Variants in ABCA3 observed in about 807,000 individuals in gnomAD.
ABCA3 encodes ATP binding cassette subfamily A member 3.
Under a neutral mutation model 172.8 loss-of-function variants are expected in ABCA3, and 88 were observed. The ratio of observed to expected loss-of-function variants is 0.51; its 90% confidence interval spans 0.43 to 0.61. ABCA3 has a LOEUF of 0.61. Among genes scored for constraint, ABCA3 ranks in the 20% least tolerant of loss-of-function variants. ABCA3 has a pLI of 0.00. For synonymous variants in ABCA3, 1,066 were observed against 983.8 expected, an observed-to-expected ratio of 1.08 and a Z score of -1.56; for missense variants, 2,164 against 2,301.0, an observed-to-expected ratio of 0.94 and a Z score of 1.22.
chr16:2,329,037 T>A (rs1026216747), intron 2 of ABCA3, among the ~76,000 whole-genome samples: 5 of 151,492 alleles, frequency 3.3e-5, no homozygotes, highest in African/African-American at 1.2e-4. Flanking sequence ...TATCTAATAA[T>A]ATTCAAAATT....
rs757955175 is a variant in ABCA3, at chr16:2,284,442, G to T, written c.3704-5C>A. ...AAAGTTCTTCCAGTTTTACAGCTGC[G>T]TTGGGGAGGTAAGATCAGTCTGCGC... On this transcript the variant is annotated splice_region_variant and splice_polypyrimidine_tract_variant and intron_variant, in intron 24 of 32. Coordinates refer to ENST00000301732, the MANE Select transcript of ABCA3 (RefSeq NM_001089.3). The surrounding 1 kb of genome is among the most constrained non-coding windows in gnomAD (Gnocchi z 5.9). 1.2e-6 allele frequency: 2 copies of T among 1,613,678 alleles called. No homozygotes were observed. The highest frequency in any genetic ancestry group is 1.7e-6 in the Non-Finnish European group (2 of 1,180,000).
At position 2,286,900 on chromosome 16, in the gene ABCA3, A is replaced by G. The variant is rs749943234; in HGVS notation, c.3072T>C (p.Leu1024=). ...VEGGGFNERC[L]VAASFRDVGE... is the part of the protein sequence containing the mutation. ...CCACATCTCTGAAGGACGCTGCCAC[A>G]AGGCACCGCTCATTAAAGCCGCCCC... The change falls in exon 22 of 33, where the codon CTT becomes CTC. Residue 1024 remains leucine, a synonymous_variant. Transcript: ENST00000301732. The surrounding 1 kb of genome is among the most constrained non-coding windows in gnomAD (Gnocchi z 5.2). 1 of 1,614,080 alleles carries G rather than the reference A, an allele frequency of 6.2e-7. No individual in the cohort carries two copies. Among genetic ancestry groups the G allele is most frequent in the South Asian group, 1.1e-5 (1 of 91,086 alleles).
Position 2,297,457 on chromosome 16 carries a change from C to A in ABCA3, c.2135G>T (p.Ser712Ile). 6.2e-7 allele frequency: 1 copy of A among 1,613,812 alleles called. No individual in the cohort carries two copies. Among genetic ancestry groups the A allele is most frequent in the Non-Finnish European group, 8.5e-7 (1 of 1,180,032 alleles). Residue 712 changes from serine (S) to isoleucine (I), a missense_variant, in exon 17 of 33, where the codon AGT (serine) becomes ATT (isoleucine). Physicochemically the swap from Ser to Ile is moderately radical, Grantham distance 142 (BLOSUM62 -2). This residue lies in a region of ABCA3 where 1,343 missense variants were observed against 1,369.6 expected (regional missense o/e 0.98). Coordinates refer to ENST00000301732, the MANE Select transcript of ABCA3 (RefSeq NM_001089.3). This position sits in a 1 kb window ranked among gnomAD's most constrained non-coding sequence, Gnocchi z 5.6. ...GGTGGTCAGCACGATGGTGCGGTCACTTTTCTGCCGCTGAAGAAGATCCCA... is the reference window on the plus strand; with the variant it reads ...GGTGGTCAGCACGATGGTGCGGTCAATTTTCTGCCGCTGAAGAAGATCCCA... Reference protein sequence around the residue: ...AIWDLLQRQKSDRTIVLTTHF... With the variant: ...AIWDLLQRQKIDRTIVLTTHF...
chr16:2,311,397 G>C (rs2093706475), intron 10 of ABCA3, among the ~76,000 whole-genome samples: 2 of 152,200 alleles, frequency 1.3e-5, no homozygotes, highest in Non-Finnish European at 2.9e-5. Context: ...ATTCTTCTTT[G>C]ATACTATACC....
intron 14 of ABCA3, 55 bp from the exon 15 acceptor site, chr16:2,298,595 C>A: frequency 1.2e-6 from 2 of 1,600,390 alleles, no homozygotes; most frequent in South Asian, 1.1e-5. Context: ...TCGTCAGCAC[C>A]CGCGGTAATG....
chr16:2,288,733 T>G (rs960685532), intron 20 of ABCA3, among the ~76,000 whole-genome samples: 13 of 152,068 alleles, frequency 8.5e-5, no homozygotes, highest in African/African-American at 1.4e-4. Context: ...TTAGTAGAGA[T>G]AGGGTTTTGT....
rs143907370 is a variant in ABCA3 at position 2,333,377 on chromosome 16, G to A, written c.-538-3523C>T. 4.9e-3 allele frequency among the ~76,000 whole-genome samples: 752 copies of A among 152,320 alleles called. 8 individuals carry two copies. Among genetic ancestry groups the A allele is most frequent in the African/African-American group, 0.017 (724 of 41,574 alleles). On this transcript the variant is annotated intron_variant, in intron 1 of 32. Transcript: ENST00000301732. Reference sequence around the variant, plus strand: ...TGAACCGCCCCAAGATGCACAAAGAGAGCCGCCAACCATGGCTCTGCTCGC... The same window carrying A: ...TGAACCGCCCCAAGATGCACAAAGAAAGCCGCCAACCATGGCTCTGCTCGC...
intron 12 of ABCA3, among the ~76,000 whole-genome samples, chr16:2,303,127 A>G (rs1328101496): frequency 6.6e-6 from 1 of 151,840 alleles, no homozygotes. Flanking sequence ...AAACTATGCT[A>G]TATGTCCATC....
rs140990075 is a variant in ABCA3 at position 2,318,342 on chromosome 16, C to T, written c.874-578G>A. Among the ~76,000 whole-genome samples, 719 of 152,248 alleles carry T rather than the reference C, an allele frequency of 4.7e-3. 6 individuals are homozygous for T. Among genetic ancestry groups the T allele is most frequent in the African/African-American group, 0.016 (676 of 41,548 alleles). Reference sequence around the variant, plus strand: ...TCACCTGCCCCACCAAGGAGTCAGGCGTGGTGATGAGGAAACCCAGTTCCT... The same window carrying T: ...TCACCTGCCCCACCAAGGAGTCAGGTGTGGTGATGAGGAAACCCAGTTCCT... On this transcript the variant is annotated intron_variant, in intron 8 of 32. Coordinates refer to ENST00000301732, the MANE Select transcript of ABCA3 (RefSeq NM_001089.3).
Position 2,292,191 on chromosome 16 carries a change from C to G in ABCA3, c.2462G>C (p.Gly821Ala). 3 of 1,614,074 alleles carry G rather than the reference C, an allele frequency of 1.9e-6. No individual in the cohort carries two copies. Among genetic ancestry groups the G allele is most frequent in the Non-Finnish European group, 2.5e-6 (3 of 1,179,952 alleles). Residue 821 changes from glycine (G) to alanine (A), a missense_variant, in exon 19 of 33, where the codon GGC becomes GCC. By Grantham distance (60) the Gly-to-Ala change is moderately conservative (BLOSUM62 0). This residue lies in a region of ABCA3 where 1,343 missense variants were observed against 1,369.6 expected (regional missense o/e 0.98). Transcript: ENST00000301732. ...GATGGATGCCCCAAAGCTGGCAATG[C>G]CCAGCTCTTTCTGCTTCTTCTCCAG... ...AKLEKKQKEL[G>A]IASFGASITT...
intron 3 of ABCA3, among the ~76,000 whole-genome samples, chr16:2,327,901 A>G (rs573264038): frequency 2.5e-4 from 38 of 152,094 alleles, no homozygotes; most frequent in Non-Finnish European, 1.5e-4. Context: ...TTATATTTTT[A>G]GTAGAGATGG....
chr16:2,310,233 G>A (rs1344450629), intron 10 of ABCA3, among the ~76,000 whole-genome samples: 2 of 150,168 alleles, frequency 1.3e-5, no homozygotes, highest in Admixed American at 6.9e-5. Flanking sequence ...GTGAAACCCC[G>A]TCTCTACTAA....
chr16:2,320,617 C>T (rs904226082), intron 7 of ABCA3, among the ~76,000 whole-genome samples: 2 of 151,388 alleles, frequency 1.3e-5, no homozygotes, highest in African/African-American at 4.9e-5. Context: ...CAGGCTGGTC[C>T]CGAACTCCTG....
At chr16:2,331,516 C>T (rs892525639) in intron 1 of ABCA3, among the ~76,000 whole-genome samples, 6 of 152,332 alleles carry the variant, frequency 3.9e-5, no homozygotes, top group Admixed American at 6.5e-5. Context: ...TATCTCTGTG[C>T]CCCCACGGCA....
Position 2,281,020 on chromosome 16 carries a change from C to T in ABCA3, c.4359+7G>A, listed in dbSNP as rs1393996031. On this transcript the variant is annotated splice_region_variant and intron_variant, in intron 28 of 32. Transcript: ENST00000301732. This position sits in a 1 kb window ranked among gnomAD's most constrained non-coding sequence, Gnocchi z 4.7. ...CACCCCTTCAGAGCCTCCCTGGCTG[C>T]ACCCACCTTTCCGACATCAGAGCTG... 6.2e-7 allele frequency: 1 copy of T among 1,613,896 alleles called. No individual in the cohort carries two copies. The highest frequency in any genetic ancestry group is 1.7e-5 in the Admixed American group (1 of 60,014).
intron 20 of ABCA3, 35 bp downstream of exon 20, chr16:2,289,399 T>TCCCCCCCCCCCCCCCCCCC: frequency 1.9e-6 from 3 of 1,544,336 alleles, no homozygotes; most frequent in Non-Finnish European, 2.6e-6. Flanking sequence ...TGCTCGCCCT[T>TCCCCCCCCCCCCCCCCCCC]CCCCCGCCAC....
At chr16:2,294,980 C>A (rs1252993908) in intron 18 of ABCA3, among the ~76,000 whole-genome samples, 3 of 152,070 alleles carry the variant, frequency 2.0e-5, no homozygotes, top group South Asian at 2.1e-4. Flanking sequence ...GAGGCTCCAT[C>A]TCAAAACAAA....
intron 14 of ABCA3, among the ~76,000 whole-genome samples, chr16:2,299,007 A>G (rs2093684578): frequency 6.6e-6 from 1 of 151,708 alleles, no homozygotes; most frequent in Non-Finnish European, 1.5e-5. Context: ...GGGTATTCAC[A>G]GACAGAGGCG....
intron 20 of ABCA3, 94 bp downstream of exon 20, chr16:2,289,340 G>C (rs749164474): frequency 6.8e-7 from 1 of 1,460,614 alleles, no homozygotes; most frequent in South Asian, 1.2e-5. Context: ...CCCTGTTTGC[G>C]CCCTCGCAGA....
Sources: allele counts gnomAD v4.1 joint callset (sites outside exome capture counted in the v4.1 genomes callset), GRCh38; gene constraint gnomAD v4.1.1; regional missense constraint gnomAD v4.1.1; non-coding constraint Gnocchi (gnomAD v3.1); transcripts MANE v1.5; gene names NCBI Gene and HGNC (gene_info 2026-07-23, HGNC 2026-07-21).